The following NAA25 variants were observed in gnomAD, a reference collection of about 807,000 sequenced individuals.
NAA25 encodes the protein N-terminal acetyltransferase B complex subunit NAA25.
NAA25 carries 30 observed loss-of-function variants against 132.5 expected under a neutral mutation model. The ratio of observed to expected loss-of-function variants is 0.23; its 90% CI spans 0.17 to 0.31. NAA25 has a LOEUF of 0.31. Among genes scored for constraint, NAA25 ranks in the 10% least tolerant of loss-of-function variants. The probability of loss-of-function intolerance (pLI) is 1.00; values close to 1 mark genes in which losing one functional copy is unlikely to be tolerated. For synonymous variants in NAA25, 359 were observed against 401.9 expected, an observed-to-expected ratio of 0.89 and a Z score of 1.28; for missense variants, 771 against 1,150.4, an observed-to-expected ratio of 0.67 and a Z score of 4.77.
chr12:112,073,086 T>C (rs916417297), intron 9 of NAA25, among the ~76,000 whole-genome samples: 1 of 151,404 alleles, frequency 6.6e-6, no homozygotes, highest in Non-Finnish European at 1.5e-5. Flanking sequence ...ATACAAAAAT[T>C]AGCCAGGCGT....
At chr12:112,087,009 CA>C (rs57089089) in intron 4 of NAA25, among the ~76,000 whole-genome samples, 20,945 of 70,590 alleles carry the variant, frequency 0.3, 2,273 homozygotes, top group East Asian at 0.76. Context: ...ACTCCATCTC[CA>C]AAAAAAAAAA....
intron 4 of NAA25, among the ~76,000 whole-genome samples, chr12:112,084,991 G>C (rs1180975014): frequency 6.6e-6 from 1 of 152,032 alleles, no homozygotes; most frequent in African/African-American, 2.4e-5. Flanking sequence ...CAGCACTTTG[G>C]GAGGCTGAGG....
intron 15 of NAA25, among the ~76,000 whole-genome samples, chr12:112,051,932 TACA>T (rs2078472946): frequency 5.9e-5 from 9 of 152,334 alleles, no homozygotes; most frequent in Admixed American, 3.3e-4. Flanking sequence ...TCATGAGTAA[TACA>T]GTTCTTCTAG....
At chr12:112,057,103 G>A (rs1370242080) in intron 13 of NAA25, among the ~76,000 whole-genome samples, 1 of 152,078 alleles carries the variant, frequency 6.6e-6, no homozygotes, top group Non-Finnish European at 1.5e-5. Context: ...CAGGAGAATC[G>A]CTTGAACTTG....
At chr12:112,087,009 C>CAAA (rs57089089) in intron 4 of NAA25, among the ~76,000 whole-genome samples, 8 of 70,550 alleles carry the variant, frequency 1.1e-4, no homozygotes, top group Admixed American at 1.5e-4. Flanking sequence ...ACTCCATCTC[C>CAAA]AAAAAAAAAA....
rs541937933 is a variant in NAA25, at chr12:112,099,631, G to A, written c.59-6495C>T. ...GAATGAACGCACAAGCTGCACTCCT[G>A]AGGTAACACTTCCCAAAGAAGCTAC... On this transcript the variant is annotated intron_variant, in intron 1 of 23. Coordinates refer to ENST00000261745, the MANE Select transcript of NAA25 (RefSeq NM_024953.4). Among the ~76,000 whole-genome samples the A allele has an allele frequency of 1.3e-3, 191 of 152,240 alleles. 1 individual carries two copies. The highest frequency in any genetic ancestry group is 2.5e-3 in the Non-Finnish European group (168 of 68,014).
At chr12:112,032,178 G>A (rs2136794871) in intron 23 of NAA25, among the ~76,000 whole-genome samples, 1 of 152,086 alleles carries the variant, frequency 6.6e-6, no homozygotes, top group South Asian at 2.1e-4. Flanking sequence ...GTGTTAGCCA[G>A]GATGGTCTCC....
At chr12:112,035,637 C>T (rs1357562123) in intron 22 of NAA25, among the ~76,000 whole-genome samples, 1 of 151,628 alleles carries the variant, frequency 6.6e-6, no homozygotes, top group Admixed American at 6.6e-5. Flanking sequence ...CTGGATTTAA[C>T]TGAATTGTTC....
At chr12:112,039,793 C>A in intron 21 of NAA25, 1 of 161,108 alleles carries the variant, frequency 6.2e-6, no homozygotes, top group Non-Finnish European at 1.3e-5. Context: ...CAAAATCTAC[C>A]CAGTTGATCA....
At chr12:112,101,869 T>C (rs918032663) in intron 1 of NAA25, among the ~76,000 whole-genome samples, 1 of 136,602 alleles carries the variant, frequency 7.3e-6, no homozygotes, top group African/African-American at 2.9e-5. Flanking sequence ...TCTTTTCAAC[T>C]TTTTTTTTTT....
chr12:112,089,805 C>T (rs2079106006), intron 3 of NAA25, among the ~76,000 whole-genome samples: 1 of 151,684 alleles, frequency 6.6e-6, no homozygotes, highest in African/African-American at 2.4e-5. Flanking sequence ...ACCAGCCCGG[C>T]CAACATGGTG....
In NAA25 at chr12:112,028,382, C is replaced by T. The variant is rs1286111933; in HGVS notation, c.*1149G>A. 2 of 152,474 alleles carry T rather than the reference C, an allele frequency of 1.3e-5. No individual in the cohort carries two copies. Among genetic ancestry groups the T allele is most frequent in the African/African-American group, 4.8e-5 (2 of 41,406 alleles). 9.4% of individuals were successfully genotyped at this position (152,474 alleles called of 1,614,324 possible). A position where few individuals can be genotyped will look rare whatever the true frequency, so the allele number is the denominator to read the frequency against. ...AGCAATTTTTACCTCTTCTATCAGA[C>T]CAACCACTGATAGAAGAAGCTAGAG... On this transcript the variant is annotated 3_prime_UTR_variant, in exon 24 of 24. Transcript: ENST00000261745.
intron 2 of NAA25, among the ~76,000 whole-genome samples, chr12:112,091,292 C>T (rs75045503): frequency 0.015 from 2,328 of 150,576 alleles, 71 homozygotes; most frequent in African/African-American, 0.054. Context: ...TGCACTCATG[C>T]GTATAACACT....
Position 112,090,768 on chromosome 12 carries a change from A to T in NAA25, c.241T>A (p.Ser81Thr), listed in dbSNP as rs781106765. ...TAAAGGATAGTCAGTGCCTGCAGTGAGTTGTCATCTGTGGGTTCAAGGGCT... is the reference window on the plus strand; with the variant it reads ...TAAAGGATAGTCAGTGCCTGCAGTGTGTTGTCATCTGTGGGTTCAAGGGCT... ...VAALEPTDDN[S>T]LQALTILYRE... The change falls in exon 3 of 24, where the codon TCA becomes ACA. Residue 81 changes from serine (S) to threonine (T), a missense_variant. Ser to Thr is a moderately conservative substitution (Grantham distance 58). Coordinates refer to ENST00000261745, the MANE Select transcript of NAA25 (RefSeq NM_024953.4). 10 of 1,613,966 alleles carry T rather than the reference A, an allele frequency of 6.2e-6. No homozygotes were observed. The highest frequency in any genetic ancestry group is 5.1e-6 in the Non-Finnish European group (6 of 1,179,990).
intron 2 of NAA25, among the ~76,000 whole-genome samples, chr12:112,092,284 T>C (rs536284401): frequency 5.6e-4 from 84 of 150,068 alleles, no homozygotes; most frequent in African/African-American, 1.9e-3. Flanking sequence ...ACTTGTGGCA[T>C]GTAAGTGACT....
Position 112,047,669 on chromosome 12 carries a change from CT to C in NAA25, c.2001del (p.Asp668ThrfsTer13). 6.2e-7 allele frequency: 1 copy of C among 1,608,552 alleles called. No homozygotes were observed. The highest frequency in any genetic ancestry group is 1.7e-5 in the Admixed American group (1 of 58,366). ...TTGGGGTTAAATTCCAGTTACCTGT[CT>C]TTTGGATCCCAGCTGAAAAAAACAT... is the stretch of plus-strand genomic sequence containing the variant. The part of the protein sequence containing the change: ...DLNVFFSWDP[K>X]DRDVSEEHKK... On this transcript the variant is annotated frameshift_variant, in exon 17 of 24. Coordinates refer to ENST00000261745, the MANE Select transcript of NAA25 (RefSeq NM_024953.4). LOFTEE classifies it high-confidence loss of function.
Position 112,093,214 on chromosome 12 carries a change from A to G in NAA25, c.59-78T>C. 2.5e-5 allele frequency: 22 copies of G among 894,364 alleles called. No homozygotes were observed. In the South Asian group the frequency reaches 3.0e-4, roughly 12 times the overall value. 55.4% of individuals were successfully genotyped at this position (894,364 alleles called of 1,614,324 possible). On this transcript the variant is annotated intron_variant, in intron 1 of 23. Transcript: ENST00000261745. ...TAAAAAATGCACCAACTGGTATGAG[A>G]TATTTTGGAAAATATCTTAATTTGC...
At chr12:112,090,931 C>T (rs971115308) in intron 2 of NAA25, 67 bp from the exon 3 acceptor site, 12 of 1,457,356 alleles carry the variant, frequency 8.2e-6, no homozygotes, top group African/African-American at 1.4e-5. Context: ...CAAAGAAAGC[C>T]GATCTGAAAG....
intron 10 of NAA25, 48 bp downstream of exon 10, chr12:112,071,847 G>C (rs755975593): frequency 4.2e-6 from 5 of 1,176,726 alleles, no homozygotes; most frequent in Non-Finnish European, 5.4e-6. Context: ...TATAGCACTT[G>C]GGTATTAAGG....
Sources: gnomAD v4.1 joint callset for allele counts (sites outside exome capture counted in the v4.1 genomes callset) on GRCh38, gnomAD v4.1.1 for gene constraint, MANE v1.5 for transcripts, NCBI Gene and HGNC (gene_info 2026-07-23, HGNC 2026-07-21) for gene names.